SPMIP2: variants seen among roughly 807,000 people sequenced by gnomAD.
SPMIP2 encodes the protein sperm microtubule inner protein 2, also known as protein SPMIP2.
the SPMIP2 span, among the ~76,000 whole-genome samples, chr4:158,945,071 ACTGTT>A: frequency 0.07 from 10,707 of 152,200 alleles, 1,222 homozygotes; most frequent in African/African-American, 0.24. Context: ...CGGTCTCTGT[ACTGTT>A]CATGATTACA....
At chr4:159,012,035 G>C in the SPMIP2 span, among the ~76,000 whole-genome samples, 1 of 133,600 alleles carries the variant, frequency 7.5e-6, no homozygotes, top group South Asian at 2.7e-4. Context: ...CAGCCTGGGT[G>C]ACAGAGCAAG....
At chr4:159,082,449 C>CTGTG in the SPMIP2 span, among the ~76,000 whole-genome samples, 8,408 of 111,234 alleles carry the variant, frequency 0.076, 327 homozygotes, top group African/African-American at 0.12. Context: ...CCACTTTTCT[C>CTGTG]TGTGTGTGTG....
chr4:159,021,709 T>C, the SPMIP2 span, among the ~76,000 whole-genome samples: 1 of 152,220 alleles, frequency 6.6e-6, no homozygotes, highest in East Asian at 1.9e-4. Flanking sequence ...TATTTATTTT[T>C]AGCTCACTTA....
At chr4:158,992,757 C>T in the SPMIP2 span, among the ~76,000 whole-genome samples, 4 of 152,160 alleles carry the variant, frequency 2.6e-5, no homozygotes, top group South Asian at 2.1e-4. Context: ...CAGGTCCCAA[C>T]AGGGCAGCAG....
At chr4:159,065,414 T>C in the SPMIP2 span, among the ~76,000 whole-genome samples, 6 of 151,852 alleles carry the variant, frequency 4.0e-5, no homozygotes, top group African/African-American at 1.4e-4. Flanking sequence ...ATTTAGGCAG[T>C]TCTTTAAAAA....
the SPMIP2 span, among the ~76,000 whole-genome samples, chr4:158,944,583 T>C: frequency 6.6e-6 from 1 of 152,178 alleles, no homozygotes; most frequent in Admixed American, 6.5e-5. Context: ...CCATCCAGCT[T>C]CATACATCTA....
At chr4:158,956,927 TTTTA>T in the SPMIP2 span, among the ~76,000 whole-genome samples, 21 of 152,264 alleles carry the variant, frequency 1.4e-4, no homozygotes, top group African/African-American at 3.4e-4. Context: ...GATGTTTCTT[TTTTA>T]TTTATTTATT....
At chr4:159,062,839 C>G in the SPMIP2 span, among the ~76,000 whole-genome samples, 1 of 151,820 alleles carries the variant, frequency 6.6e-6, no homozygotes, top group Non-Finnish European at 1.5e-5. Flanking sequence ...CAGGTGTGCA[C>G]CACCAGGCCT....
chr4:159,024,309 T>C, the SPMIP2 span, among the ~76,000 whole-genome samples: 4 of 152,222 alleles, frequency 2.6e-5, no homozygotes, highest in African/African-American at 7.2e-5. Flanking sequence ...TAAAAGGTGA[T>C]ATCTTTGGTC....
At chr4:158,926,945 C>A in the SPMIP2 span, among the ~76,000 whole-genome samples, 1 of 152,210 alleles carries the variant, frequency 6.6e-6, no homozygotes, top group East Asian at 1.9e-4. Context: ...CCAAACCCCA[C>A]AATTACACAG....
the SPMIP2 span, among the ~76,000 whole-genome samples, chr4:159,059,313 T>C: frequency 6.6e-6 from 1 of 152,312 alleles, no homozygotes; most frequent in Admixed American, 6.5e-5. Flanking sequence ...AATTTAAGAG[T>C]GATAAAATAT....
chr4:158,945,551 A>G, the SPMIP2 span, among the ~76,000 whole-genome samples: 3 of 152,178 alleles, frequency 2.0e-5, no homozygotes, highest in Non-Finnish European at 4.4e-5. Flanking sequence ...ATACTGAACA[A>G]CTACTCTCTT....
At chr4:159,010,720 T>C in the SPMIP2 span, among the ~76,000 whole-genome samples, 1 of 152,162 alleles carries the variant, frequency 6.6e-6, no homozygotes, top group Non-Finnish European at 1.5e-5. Context: ...ATGCAGCCTG[T>C]TATTGTGTCA....
the SPMIP2 span, among the ~76,000 whole-genome samples, chr4:158,949,830 G>A: frequency 6.6e-6 from 1 of 152,184 alleles, no homozygotes; most frequent in Non-Finnish European, 1.5e-5. Flanking sequence ...CCACAAGAAA[G>A]CGGATCAGTT....
the SPMIP2 span, among the ~76,000 whole-genome samples, chr4:158,963,971 C>T: frequency 5.3e-5 from 8 of 151,938 alleles, no homozygotes; most frequent in Middle Eastern, 3.4e-3. Context: ...CTGGCTGATA[C>T]GGTGAAACCC....
chr4:158,972,715 T>C, the SPMIP2 span, among the ~76,000 whole-genome samples: 2 of 152,250 alleles, frequency 1.3e-5, no homozygotes, highest in Non-Finnish European at 2.9e-5. Flanking sequence ...GTTTGTGGAT[T>C]ATGGGATGCC....
the SPMIP2 span, among the ~76,000 whole-genome samples, chr4:158,920,781 G>A: frequency 6.6e-6 from 1 of 152,240 alleles, no homozygotes; most frequent in Non-Finnish European, 1.5e-5. Flanking sequence ...ATCAGTAGCA[G>A]TAGTTCTGCT....
At chr4:159,067,760 T>C in the SPMIP2 span, among the ~76,000 whole-genome samples, 1 of 152,092 alleles carries the variant, frequency 6.6e-6, no homozygotes, top group African/African-American at 2.4e-5. Context: ...AACCTACTCA[T>C]CTGACAAAGG....
chr4:158,926,739 C>G, the SPMIP2 span, among the ~76,000 whole-genome samples: 5 of 152,132 alleles, frequency 3.3e-5, no homozygotes, highest in Admixed American at 1.3e-4. Flanking sequence ...CCTAGTTGTT[C>G]TATCTGTAAT....
Sources: allele counts gnomAD v4.1 joint callset (sites outside exome capture counted in the v4.1 genomes callset), GRCh38; gene constraint gnomAD v4.1.1; transcripts MANE v1.5; gene names NCBI Gene and HGNC (gene_info 2026-07-23, HGNC 2026-07-21).